ERG: variants seen among roughly 807,000 people sequenced by gnomAD.
ERG encodes ETS transcription factor ERG.
Under a neutral mutation model 55.3 loss-of-function variants are expected in ERG, and 9 were observed. The observed-to-expected ratio is 0.16, with a 90% CI of 0.10 to 0.28. The LOEUF is 0.28. Ranked by LOEUF, ERG falls within the 10% of genes least tolerant of loss-of-function variation. The probability of loss-of-function intolerance (pLI) is 1.00; values close to 1 mark genes in which losing one functional copy is unlikely to be tolerated. For missense variants in ERG, 434 were observed against 631.6 expected, an observed-to-expected ratio of 0.69 and a Z score of 3.35; for synonymous variants, 223 against 237.3, an observed-to-expected ratio of 0.94 and a Z score of 0.55.
At chr21:38,645,173 G>C (rs917788030) in intron 1 of ERG, among the ~76,000 whole-genome samples, 2 of 151,836 alleles carry the variant, frequency 1.3e-5, no homozygotes, top group Non-Finnish European at 2.9e-5. Context: ...AAAAATAAAC[G>C]ATTTTAAAAA....
chr21:38,565,593 T>C (rs2059918050), intron 2 of ERG, among the ~76,000 whole-genome samples: 1 of 152,154 alleles, frequency 6.6e-6, no homozygotes. Flanking sequence ...GCACATGCTG[T>C]TCCCTCTCTC....
intron 1 of ERG, among the ~76,000 whole-genome samples, chr21:38,623,784 T>C: frequency 6.6e-6 from 1 of 152,202 alleles, no homozygotes; most frequent in Non-Finnish European, 1.5e-5. Context: ...AATCTGTGCA[T>C]GTGGGCCCCT....
intron 1 of ERG, among the ~76,000 whole-genome samples, chr21:38,468,175 T>C (rs1337366261): frequency 1.3e-5 from 2 of 152,180 alleles, no homozygotes; most frequent in African/African-American, 4.8e-5. Context: ...GTGGTTCCTA[T>C]AGGTCGGCAC....
At chr21:38,584,042 A>T (rs2060046841) in intron 1 of ERG, among the ~76,000 whole-genome samples, 1 of 152,226 alleles carries the variant, frequency 6.6e-6, no homozygotes, top group South Asian at 2.1e-4. Context: ...GCATGGCCTC[A>T]AGAGCCACAT....
Position 38,381,412 on chromosome 21 carries a change from T to C in ERG, c.*1991A>G. On this transcript the variant is annotated 3_prime_UTR_variant, in exon 10 of 10. Coordinates refer to ENST00000288319, the MANE Select transcript of ERG (RefSeq NM_182918.4). ...GACTCTAGATTATGGAAATAAACATTGTCTTCAAGGGATAGCCAGCAACAT... is the reference window on the plus strand; with the variant it reads ...GACTCTAGATTATGGAAATAAACATCGTCTTCAAGGGATAGCCAGCAACAT... 2 of 1,063,018 alleles carry C rather than the reference T, an allele frequency of 1.9e-6. No individual in the cohort carries two copies. The highest frequency in any genetic ancestry group is 9.1e-5 in the South Asian group (2 of 21,954). 65.8% of individuals were successfully genotyped at this position (1,063,018 alleles called of 1,614,324 possible). A position where few individuals can be genotyped will look rare whatever the true frequency, so the allele number is the denominator to read the frequency against.
At chr21:38,630,569 G>T (rs920820210) in intron 1 of ERG, among the ~76,000 whole-genome samples, 1 of 152,210 alleles carries the variant, frequency 6.6e-6, no homozygotes, top group Admixed American at 6.5e-5. Context: ...TCAGAACTTG[G>T]TCACATAGTT....
At chr21:38,608,395 G>A (rs2060208148) in intron 1 of ERG, among the ~76,000 whole-genome samples, 1 of 152,166 alleles carries the variant, frequency 6.6e-6, no homozygotes, top group Non-Finnish European at 1.5e-5. Context: ...GTAATAAGGA[G>A]CAATAATTCA....
At chr21:38,626,574 T>C (rs1292679706) in intron 1 of ERG, among the ~76,000 whole-genome samples, 1 of 152,166 alleles carries the variant, frequency 6.6e-6, no homozygotes, top group African/African-American at 2.4e-5. Flanking sequence ...TTGTCAAGGA[T>C]AAATCAAATT....
upstream of ERG, among the ~76,000 whole-genome samples, chr21:38,588,839 C>A (rs887279588): frequency 2.6e-5 from 4 of 152,106 alleles, no homozygotes; most frequent in African/African-American, 7.2e-5. Context: ...ACCTCAGCCA[C>A]CCAACTAGCT....
rs747446443 is a variant in ERG, at chr21:38,383,366, T to A, written c.*37A>T. 2.1e-6 allele frequency: 3 copies of A among 1,459,556 alleles called. No homozygotes were observed. The highest frequency in any genetic ancestry group is 2.8e-5 in the African/African-American group (2 of 71,032). 90.4% of individuals were successfully genotyped at this position (1,459,556 alleles called of 1,614,324 possible). A position where few individuals can be genotyped will look rare whatever the true frequency, so the allele number is the denominator to read the frequency against. On this transcript the variant is annotated 3_prime_UTR_variant, in exon 10 of 10. Transcript: ENST00000288319. The surrounding 1 kb of genome is among the most constrained non-coding windows in gnomAD (Gnocchi z 5.7). ...GATAGAGTTTGTGGCGATGGGCTGG[T>A]GAATGCACGCTGATGGGAAAAGCCT...
chr21:38,660,078 G>A (rs1337343225), intron 1 of ERG, among the ~76,000 whole-genome samples: 2 of 152,216 alleles, frequency 1.3e-5, no homozygotes, highest in Non-Finnish European at 2.9e-5. Context: ...TCCCAGAGCC[G>A]GTGTTGCGGG....
At chr21:38,502,268 G>T (rs2059426620), upstream of ERG, among the ~76,000 whole-genome samples, 1 of 152,196 alleles carries the variant, frequency 6.6e-6, no homozygotes, top group South Asian at 2.1e-4. Context: ...ATGGAAAACT[G>T]CTCTGATATT....
Position 38,405,890 on chromosome 21 carries a change from C to T in ERG, c.389-2181G>A, listed in dbSNP as rs527301498. ...TGCACAGGCCAGGCGCGGTGGCTCACGCCTGTAATCCCAGCACTTTGGGAG... is the reference window on the plus strand; with the variant it reads ...TGCACAGGCCAGGCGCGGTGGCTCATGCCTGTAATCCCAGCACTTTGGGAG... On this transcript the variant is annotated intron_variant, in intron 3 of 9. Coordinates refer to ENST00000288319, the MANE Select transcript of ERG (RefSeq NM_182918.4). 1.7e-3 allele frequency among the ~76,000 whole-genome samples: 252 copies of T among 152,138 alleles called. 1 individual carries two copies. The highest frequency in any genetic ancestry group is 2.4e-3 in the Non-Finnish European group (165 of 68,012).
chr21:38,592,284 G>T (rs1484618598), intron 1 of ERG, among the ~76,000 whole-genome samples: 1 of 152,212 alleles, frequency 6.6e-6, no homozygotes, highest in Admixed American at 6.5e-5. Context: ...CGAGTTGGGA[G>T]GAGCCAGCTC....
chr21:38,643,581 G>A (rs1444641896), intron 1 of ERG, among the ~76,000 whole-genome samples: 9 of 152,066 alleles, frequency 5.9e-5, no homozygotes, highest in Admixed American at 5.2e-4. Flanking sequence ...CAGGTGTTCC[G>A]CAAAACAAAA....
Position 38,424,187 on chromosome 21 carries a change from G to GCTCTCT in ERG, c.237-632_237-627dup, listed in dbSNP as rs1227355474. On this transcript the variant is annotated intron_variant, in intron 2 of 9. Transcript: ENST00000288319. ...AGAAAAGAAAGAGACCAGAGCTCGA[G>GCTCTCT]CTCTCTCTCTCTCTCTCTCTCTCTC... Among the ~76,000 whole-genome samples the GCTCTCT allele has an allele frequency of 5.4e-3, 593 of 110,100 alleles. 3 individuals are homozygous for GCTCTCT. Among genetic ancestry groups the GCTCTCT allele is most frequent in the Admixed American group, 0.013 (149 of 11,836 alleles). 72.2% of individuals were successfully genotyped at this position (110,100 alleles called of 152,430 possible).
At chr21:38,391,578 T>A in intron 8 of ERG, 81 bp downstream of exon 8, 2 of 1,179,630 alleles carry the variant, frequency 1.7e-6, no homozygotes, top group Non-Finnish European at 2.5e-6. Context: ...TTAATTTCCA[T>A]TAAAAAGTGA....
At chr21:38,419,945 C>T (rs1338062000) in intron 3 of ERG, among the ~76,000 whole-genome samples, 1 of 152,078 alleles carries the variant, frequency 6.6e-6, no homozygotes, top group Non-Finnish European at 1.5e-5. Flanking sequence ...ATTTCCTCAT[C>T]AGTGTTTATT....
At chr21:38,595,654 G>T (rs987342187) in intron 1 of ERG, among the ~76,000 whole-genome samples, 4 of 152,174 alleles carry the variant, frequency 2.6e-5, no homozygotes, top group Non-Finnish European at 4.4e-5. Flanking sequence ...TTAAAGAACA[G>T]CAAGACTTTC....
Sources: allele counts gnomAD v4.1 joint callset (sites outside exome capture counted in the v4.1 genomes callset), GRCh38; gene constraint gnomAD v4.1.1; non-coding constraint Gnocchi (gnomAD v3.1); transcripts MANE v1.5; gene names NCBI Gene and HGNC (gene_info 2026-07-23, HGNC 2026-07-21).